Variants in OPCML observed in about 807,000 individuals in gnomAD.
OPCML encodes opioid-binding protein/cell adhesion molecule.
OPCML carries 13 observed loss-of-function variants against 37.8 expected under a neutral mutation model. The ratio of observed to expected loss-of-function variants is 0.34; its 90% confidence interval spans 0.22 to 0.55. The LOEUF is 0.55. Ranked by LOEUF, OPCML falls within the 20% of genes least tolerant of loss-of-function variation. The probability of loss-of-function intolerance (pLI) is 0.91; values close to 1 mark genes in which losing one functional copy is unlikely to be tolerated. For synonymous variants in OPCML, 176 were observed against 168.8 expected (o/e 1.04, Z -0.33); for missense variants, 341 against 435.6 (o/e 0.78, Z 1.93).
chr11:132,940,013 T>C (rs1488953260), intron 2 of OPCML, among the ~76,000 whole-genome samples: 1 of 152,228 alleles, frequency 6.6e-6, no homozygotes, highest in Non-Finnish European at 1.5e-5. Flanking sequence ...TTATTTTTGC[T>C]TTTCAAGTAA....
At chr11:133,442,434 C>G (rs1003526814) in intron 1 of OPCML, among the ~76,000 whole-genome samples, 2 of 151,988 alleles carry the variant, frequency 1.3e-5, no homozygotes, top group African/African-American at 2.4e-5. Flanking sequence ...AATTCCACTT[C>G]CAGGAAAATA....
intron 1 of OPCML, among the ~76,000 whole-genome samples, chr11:133,386,103 T>A (rs1565606861): frequency 6.6e-6 from 1 of 152,172 alleles, no homozygotes; most frequent in Non-Finnish European, 1.5e-5. Flanking sequence ...ATGGGATGAA[T>A]AAGCAGAAGC....
At chr11:133,079,609 G>A (rs1403264855) in intron 1 of OPCML, among the ~76,000 whole-genome samples, 1 of 152,158 alleles carries the variant, frequency 6.6e-6, no homozygotes, top group Non-Finnish European at 1.5e-5. Flanking sequence ...TGCACAGCCA[G>A]GCGTGGCCAC....
chr11:133,345,980 A>G (rs1943993848), intron 1 of OPCML, among the ~76,000 whole-genome samples: 1 of 152,226 alleles, frequency 6.6e-6, no homozygotes, highest in Non-Finnish European at 1.5e-5. Context: ...TAATACACCA[A>G]TCAGAAGCCA....
chr11:133,028,746 A>T (rs1947611688), intron 1 of OPCML, among the ~76,000 whole-genome samples: 1 of 152,132 alleles, frequency 6.6e-6, no homozygotes, highest in Admixed American at 6.5e-5. Context: ...AGACTTCAAA[A>T]TATAAAAATC....
intron 1 of OPCML, among the ~76,000 whole-genome samples, chr11:133,358,204 A>G (rs1488768449): frequency 2.0e-5 from 3 of 152,246 alleles, no homozygotes; most frequent in Non-Finnish European, 2.9e-5. Flanking sequence ...TGTACTCCAC[A>G]ACATGCTGTT....
intron 1 of OPCML, among the ~76,000 whole-genome samples, chr11:133,388,760 T>G (rs1271900248): frequency 6.6e-6 from 1 of 152,198 alleles, no homozygotes; most frequent in Non-Finnish European, 1.5e-5. Context: ...CTTAATTGAG[T>G]TATCATATAA....
intron 1 of OPCML, among the ~76,000 whole-genome samples, chr11:133,200,357 CT>C (rs1292607984): frequency 1.3e-5 from 2 of 152,248 alleles, no homozygotes; most frequent in Non-Finnish European, 2.9e-5. Context: ...TCATTTTATA[CT>C]TTTTTTGTCA....
At chr11:132,842,289 T>C (rs2136305700) in intron 2 of OPCML, among the ~76,000 whole-genome samples, 1 of 152,296 alleles carries the variant, frequency 6.6e-6, no homozygotes, top group South Asian at 2.1e-4. Flanking sequence ...GAATTATTCC[T>C]CATTATTAAT....
At chr11:132,848,244 CT>C (rs1941640088) in intron 2 of OPCML, among the ~76,000 whole-genome samples, 1 of 152,196 alleles carries the variant, frequency 6.6e-6, no homozygotes, top group South Asian at 2.1e-4. Flanking sequence ...AAAAATTATA[CT>C]GCTATTCTAC....
intron 1 of OPCML, among the ~76,000 whole-genome samples, chr11:133,494,452 C>G (rs1947735857): frequency 6.6e-6 from 1 of 151,450 alleles, no homozygotes; most frequent in Admixed American, 6.6e-5. Flanking sequence ...TTCACAATAG[C>G]AAAGACTTGG....
At chr11:132,615,715 C>A (rs1273106544) in intron 3 of OPCML, among the ~76,000 whole-genome samples, 1 of 152,052 alleles carries the variant, frequency 6.6e-6, no homozygotes, top group East Asian at 1.9e-4. Flanking sequence ...GTCCTGGATC[C>A]AGTGCTGCAT....
intron 1 of OPCML, among the ~76,000 whole-genome samples, chr11:133,121,054 C>T (rs1423845489): frequency 6.6e-6 from 1 of 152,162 alleles, no homozygotes; most frequent in Non-Finnish European, 1.5e-5. Context: ...TCCCAAGTAG[C>T]TGGGACTACA....
chr11:132,612,319 T>C (rs1424594293), intron 3 of OPCML, among the ~76,000 whole-genome samples: 1 of 152,220 alleles, frequency 6.6e-6, no homozygotes, highest in Non-Finnish European at 1.5e-5. Context: ...CATGCACTTA[T>C]GAAGCATAAG....
At chr11:133,456,498 G>A (rs1324192574) in intron 1 of OPCML, among the ~76,000 whole-genome samples, 1 of 151,766 alleles carries the variant, frequency 6.6e-6, no homozygotes, top group African/African-American at 2.4e-5. Context: ...GGCAAAATAT[G>A]GCAAAATAAA....
intron 4 of OPCML, among the ~76,000 whole-genome samples, chr11:132,503,197 C>T (rs982943442): frequency 5.3e-5 from 8 of 152,182 alleles, no homozygotes; most frequent in Admixed American, 1.3e-4. Context: ...TTTGCATCTC[C>T]GTTGGCTGGT....
intron 2 of OPCML, among the ~76,000 whole-genome samples, chr11:132,752,719 C>T (rs989163320): frequency 6.6e-6 from 1 of 151,472 alleles, no homozygotes; most frequent in Admixed American, 6.6e-5. Context: ...TTCTCTTTCT[C>T]CTTTTACTGG....
chr11:132,913,700 G>T (rs1944503940), intron 2 of OPCML, among the ~76,000 whole-genome samples: 1 of 152,140 alleles, frequency 6.6e-6, no homozygotes, highest in African/African-American at 2.4e-5. Context: ...TTCTAGGGCA[G>T]CCCCCTTTCT....
At chr11:132,953,663 A>G (rs11223292) in intron 1 of OPCML, among the ~76,000 whole-genome samples, 16,873 of 152,142 alleles carry the variant, frequency 0.11, 1,141 homozygotes, top group Admixed American at 0.19. Context: ...TAACAGAATG[A>G]CCATGACAGG....
Sources: allele counts gnomAD v4.1 joint callset (sites outside exome capture counted in the v4.1 genomes callset), GRCh38; gene constraint gnomAD v4.1.1; transcripts MANE v1.5; gene names NCBI Gene and HGNC (gene_info 2026-07-23, HGNC 2026-07-21).